Variants in EYS observed in about 807,000 individuals in gnomAD.
The protein encoded by EYS is EGF-like photoreceptor maintenance factor.
A neutral mutation model predicts 282.1 loss-of-function variants in EYS; 250 were observed. The observed-to-expected ratio is 0.89, with a 90% confidence interval of 0.80 to 0.98. The LOEUF (loss-of-function observed/expected upper bound fraction) is 0.98. EYS is among the 50% of genes least tolerant of loss of function. EYS has a pLI of 0.00. For synonymous variants in EYS, 1,355 were observed against 1,282.9 expected, an observed-to-expected ratio of 1.06 and a Z score of -1.20; for missense variants, 4,016 against 3,709.0, an observed-to-expected ratio of 1.08 and a Z score of -2.15.
At chr6:64,325,515 C>A (rs1770383367) in intron 29 of EYS, among the ~76,000 whole-genome samples, 2 of 152,110 alleles carry the variant, frequency 1.3e-5, no homozygotes, top group African/African-American at 2.4e-5. Context: ...CTCTTTAACA[C>A]CTCCCAAAAA....
At chr6:64,614,524 C>A (rs960712149) in intron 24 of EYS, among the ~76,000 whole-genome samples, 2 of 152,022 alleles carry the variant, frequency 1.3e-5, no homozygotes, top group Non-Finnish European at 2.9e-5. Context: ...ATAAAACAAC[C>A]TTAACAATGA....
intron 5 of EYS, among the ~76,000 whole-genome samples, chr6:65,460,074 TACACACACACACAC>T (rs71002308): frequency 7.4e-6 from 1 of 135,330 alleles, no homozygotes; most frequent in African/African-American, 2.7e-5. Flanking sequence ...TATATATGTA[TACACACACACACAC>T]ACACACACAC....
chr6:63,967,028 C>T (rs1213749665), intron 35 of EYS, among the ~76,000 whole-genome samples: 2 of 152,080 alleles, frequency 1.3e-5, no homozygotes, highest in Admixed American at 6.6e-5. Flanking sequence ...AGGAGATTAA[C>T]AACAATAATT....
chr6:64,041,457 G>C (rs561049465), intron 33 of EYS, among the ~76,000 whole-genome samples: 1 of 152,308 alleles, frequency 6.6e-6, no homozygotes, highest in East Asian at 1.9e-4. Context: ...CAAAAGATAA[G>C]TGCTTTCTAT....
At chr6:65,012,104 CA>C (rs1771891517) in intron 13 of EYS, among the ~76,000 whole-genome samples, 1 of 152,148 alleles carries the variant, frequency 6.6e-6, no homozygotes, top group African/African-American at 2.4e-5. Context: ...GGAAAAAGAA[CA>C]TTGTAATAAA....
chr6:63,757,569 C>T (rs956445211), intron 41 of EYS, among the ~76,000 whole-genome samples: 11 of 152,240 alleles, frequency 7.2e-5, no homozygotes, highest in African/African-American at 2.4e-4. Flanking sequence ...ACCCCCTCTG[C>T]TTTTGAAATC....
chr6:63,807,304 G>A (rs1770931700), intron 36 of EYS, among the ~76,000 whole-genome samples: 1 of 152,152 alleles, frequency 6.6e-6, no homozygotes, highest in African/African-American at 2.4e-5. Context: ...GGAAATAAGA[G>A]CTTATGTTGT....
At chr6:65,040,903 A>T (rs1772914813) in intron 13 of EYS, among the ~76,000 whole-genome samples, 1 of 151,724 alleles carries the variant, frequency 6.6e-6, no homozygotes, top group Admixed American at 6.6e-5. Flanking sequence ...AATAACTAAG[A>T]TGCTCAATAA....
chr6:64,163,862 G>T (rs1430673082), intron 31 of EYS, among the ~76,000 whole-genome samples: 1 of 152,108 alleles, frequency 6.6e-6, no homozygotes, highest in African/African-American at 2.4e-5. Context: ...AGCTAGGGGA[G>T]AGAAGCAGAC....
At chr6:64,786,188 A>AAT (rs1774011820) in intron 22 of EYS, among the ~76,000 whole-genome samples, 3 of 141,566 alleles carry the variant, frequency 2.1e-5, no homozygotes, top group East Asian at 2.1e-4. Flanking sequence ...CTGGTTCTAC[A>AAT]TTTTTTTTTT....
chr6:64,859,812 G>A (rs1766177589), intron 19 of EYS, among the ~76,000 whole-genome samples: 1 of 152,122 alleles, frequency 6.6e-6, no homozygotes, highest in Non-Finnish European at 1.5e-5. Context: ...TAATACAAAT[G>A]TTATTGATAG....
chr6:65,652,405 T>C (rs1767686156), intron 1 of EYS, among the ~76,000 whole-genome samples: 1 of 151,834 alleles, frequency 6.6e-6, no homozygotes, highest in Non-Finnish European at 1.5e-5. Flanking sequence ...TTAAGGAGGA[T>C]AGGGAGGAGG....
At chr6:65,688,533 CA>C (rs779850276) in intron 1 of EYS, among the ~76,000 whole-genome samples, 6 of 151,940 alleles carry the variant, frequency 3.9e-5, no homozygotes, top group Non-Finnish European at 8.8e-5. Flanking sequence ...GGAAGGACAC[CA>C]AAAGCGATGG....
intron 30 of EYS, among the ~76,000 whole-genome samples, chr6:64,266,159 T>C (rs1241272749): frequency 6.6e-6 from 1 of 152,154 alleles, no homozygotes; most frequent in Non-Finnish European, 1.5e-5. Flanking sequence ...GCTTGCATTA[T>C]GTATTTCAGT....
chr6:65,188,389 T>G (rs1182371229), intron 12 of EYS, among the ~76,000 whole-genome samples: 2 of 151,744 alleles, frequency 1.3e-5, no homozygotes, highest in African/African-American at 4.8e-5. Context: ...CTTATTTTCT[T>G]AAAAACAGGT....
chr6:64,314,193 G>GAAAAAAAA (rs1769841355), intron 29 of EYS, among the ~76,000 whole-genome samples: 6 of 10,558 alleles, frequency 5.7e-4, no homozygotes, highest in Non-Finnish European at 1.0e-3. Flanking sequence ...CAAATGGAAA[G>GAAAAAAAA]CAAAAAAAAA....
intron 28 of EYS, among the ~76,000 whole-genome samples, chr6:64,395,528 A>C (rs943592142): frequency 3.9e-5 from 6 of 152,060 alleles, no homozygotes; most frequent in African/African-American, 1.2e-4. Context: ...AAACTATCGC[A>C]AGAACAAAAA....
At chr6:65,343,584 C>T (rs929403030) in intron 10 of EYS, among the ~76,000 whole-genome samples, 1 of 150,932 alleles carries the variant, frequency 6.6e-6, no homozygotes, top group Non-Finnish European at 1.5e-5. Flanking sequence ...GATGGAACTG[C>T]CTAGAGATTA....
chr6:64,937,905 A>T (rs1768962710), intron 15 of EYS, among the ~76,000 whole-genome samples: 1 of 151,704 alleles, frequency 6.6e-6, no homozygotes, highest in South Asian at 2.1e-4. Flanking sequence ...AAATAAACAA[A>T]TTTGCTGTAA....
Sources: allele counts gnomAD v4.1 joint callset (sites outside exome capture counted in the v4.1 genomes callset), GRCh38; gene constraint gnomAD v4.1.1; transcripts MANE v1.5; gene names NCBI Gene and HGNC (gene_info 2026-07-23, HGNC 2026-07-21).